Variants in CSNK1G1 observed in about 807,000 individuals in gnomAD.
CSNK1G1 encodes casein kinase 1 gamma 1.
In CSNK1G1, 22 loss-of-function variants were observed where a neutral mutation model predicts 59.6. The ratio of observed to expected loss-of-function variants is 0.37; its 90% CI spans 0.26 to 0.53. The LOEUF (loss-of-function observed/expected upper bound fraction) is 0.53, where lower values mean the gene tolerates loss of function less well. CSNK1G1 is among the 20% of genes least tolerant of loss of function. The probability of loss-of-function intolerance (pLI) is 0.89; values close to 1 mark genes in which losing one functional copy is unlikely to be tolerated. For synonymous variants in CSNK1G1, 179 were observed against 177.1 expected (o/e 1.01, Z -0.08); for missense variants, 384 against 519.5 (o/e 0.74, Z 2.54).
At chr15:64,243,302 C>T (rs1891572486) in intron 4 of CSNK1G1, among the ~76,000 whole-genome samples, 1 of 151,954 alleles carries the variant, frequency 6.6e-6, no homozygotes. Context: ...CGCCACTGCA[C>T]TCTAGCTTGG....
chr15:64,259,813 C>A (rs182081806), intron 2 of CSNK1G1, among the ~76,000 whole-genome samples: 15 of 152,282 alleles, frequency 9.9e-5, no homozygotes, highest in African/African-American at 3.4e-4. Flanking sequence ...TTTACCAGAA[C>A]AACAGACTTA....
At chr15:64,184,280 G>T (rs2081860012) in intron 10 of CSNK1G1, among the ~76,000 whole-genome samples, 1 of 148,558 alleles carries the variant, frequency 6.7e-6, no homozygotes, top group Non-Finnish European at 1.5e-5. Flanking sequence ...TCCAGCCTGG[G>T]TGACAGAGCG....
chr15:64,189,872 G>A (rs2081947956), intron 10 of CSNK1G1, among the ~76,000 whole-genome samples: 1 of 147,158 alleles, frequency 6.8e-6, no homozygotes. Flanking sequence ...AGGCTGGAGT[G>A]CAGTGGCGCA....
intron 2 of CSNK1G1, among the ~76,000 whole-genome samples, chr15:64,277,908 A>G (rs1432724600): frequency 6.3e-5 from 9 of 143,144 alleles, no homozygotes; most frequent in African/African-American, 2.0e-4. Context: ...ATATTGATAT[A>G]TTTAATAATA....
intron 10 of CSNK1G1, among the ~76,000 whole-genome samples, chr15:64,189,771 C>T (rs969120403): frequency 6.6e-6 from 1 of 151,238 alleles, no homozygotes; most frequent in Non-Finnish European, 1.5e-5. Context: ...ACCAAAAAGG[C>T]ATTTCTCGTA....
At chr15:64,288,025 C>G (rs1240993266) in intron 2 of CSNK1G1, among the ~76,000 whole-genome samples, 1 of 152,010 alleles carries the variant, frequency 6.6e-6, no homozygotes, top group Admixed American at 6.5e-5. Context: ...ACTAAGCCAT[C>G]CAGCAGAAAA....
At chr15:64,182,087 A>G in intron 10 of CSNK1G1, among the ~76,000 whole-genome samples, 1 of 98,770 alleles carries the variant, frequency 1.0e-5, no homozygotes, top group African/African-American at 5.4e-5. Context: ...TTTGAGAGAG[A>G]GAGTCTTGCT....
intron 1 of CSNK1G1, among the ~76,000 whole-genome samples, chr15:64,301,457 T>G (rs544271468): frequency 1.3e-5 from 2 of 152,170 alleles, no homozygotes; most frequent in Non-Finnish European, 2.9e-5. Flanking sequence ...ACACAAATGT[T>G]TGCAATGAGA....
chr15:64,282,786 A>G (rs1409527196), intron 2 of CSNK1G1, among the ~76,000 whole-genome samples: 2 of 152,140 alleles, frequency 1.3e-5, no homozygotes, highest in African/African-American at 2.4e-5. Flanking sequence ...CAGTGTATAA[A>G]GACTCAGATT....
At chr15:64,281,513 T>C (rs910630589) in intron 2 of CSNK1G1, among the ~76,000 whole-genome samples, 9 of 152,108 alleles carry the variant, frequency 5.9e-5, no homozygotes, top group Non-Finnish European at 1.3e-4. Flanking sequence ...AGGAGTTGTT[T>C]AATGAGCATA....
chr15:64,353,188 A>G (rs1898413315), intron 1 of CSNK1G1, among the ~76,000 whole-genome samples: 1 of 152,220 alleles, frequency 6.6e-6, no homozygotes, highest in Admixed American at 6.5e-5. Flanking sequence ...TCTCACAAAC[A>G]TCTATTATTA....
At chr15:64,189,521 A>G (rs1158411433) in intron 10 of CSNK1G1, 1 of 1,165,886 alleles carries the variant, frequency 8.6e-7, no homozygotes, top group South Asian at 1.7e-5. Flanking sequence ...GGCAGCAATG[A>G]GGGATTAGTA....
intron 4 of CSNK1G1, among the ~76,000 whole-genome samples, chr15:64,220,601 T>C (rs1216123105): frequency 6.6e-6 from 1 of 151,688 alleles, no homozygotes; most frequent in Admixed American, 6.6e-5. Flanking sequence ...GGTTCAAGCT[T>C]TTCTCTTGCC....
chr15:64,196,220 TA>T (rs556476666), intron 10 of CSNK1G1, among the ~76,000 whole-genome samples: 1 of 151,124 alleles, frequency 6.6e-6, no homozygotes, highest in African/African-American at 2.4e-5. Context: ...CCATCTCTAT[TA>T]AAAAAAAAGA....
chr15:64,346,619 G>A (rs553215786), intron 1 of CSNK1G1, among the ~76,000 whole-genome samples: 17 of 151,776 alleles, frequency 1.1e-4, no homozygotes, highest in African/African-American at 2.9e-4. Context: ...CACCACACCC[G>A]GCTAATTTTT....
chr15:64,185,004 T>C (rs1370510746), intron 10 of CSNK1G1, among the ~76,000 whole-genome samples: 1 of 152,248 alleles, frequency 6.6e-6, no homozygotes, highest in Non-Finnish European at 1.5e-5. Context: ...TCCTGAACAT[T>C]TCTAAAAGCT....
intron 2 of CSNK1G1, among the ~76,000 whole-genome samples, chr15:64,263,386 G>A (rs1212466855): frequency 1.3e-5 from 2 of 151,818 alleles, no homozygotes; most frequent in African/African-American, 2.4e-5. Flanking sequence ...ACGGGGTTTC[G>A]CCATGTTGGC....
chr15:64,314,682 G>A (rs1433422476), intron 1 of CSNK1G1, among the ~76,000 whole-genome samples: 1 of 151,766 alleles, frequency 6.6e-6, no homozygotes, highest in Non-Finnish European at 1.5e-5. Flanking sequence ...CTGCTTCTAT[G>A]AGTTCAGTTG....
At chr15:64,231,332 T>C (rs1317996714) in intron 4 of CSNK1G1, among the ~76,000 whole-genome samples, 1 of 147,354 alleles carries the variant, frequency 6.8e-6, no homozygotes, top group Admixed American at 6.8e-5. Flanking sequence ...TCTCCAAATA[T>C]ATATATATTA....
Sources: gnomAD v4.1 joint callset for allele counts (sites outside exome capture counted in the v4.1 genomes callset) on GRCh38, gnomAD v4.1.1 for gene constraint, MANE v1.5 for transcripts, NCBI Gene and HGNC (gene_info 2026-07-23, HGNC 2026-07-21) for gene names.